EPHA10: variants seen among roughly 807,000 people sequenced by gnomAD.
The protein encoded by EPHA10 is EPH receptor A10.
A neutral mutation model predicts 109.7 loss-of-function variants in EPHA10; 120 were observed. The observed-to-expected ratio is 1.09, with a 90% CI of 0.94 to 1.27. The LOEUF is 1.27. Among genes scored for constraint, EPHA10 ranks in the 50% most tolerant of loss-of-function variants. The pLI is 0.00. For missense variants in EPHA10, 1,396 were observed against 1,411.1 expected (o/e 0.99, Z 0.17); for synonymous variants, 640 against 618.9 (o/e 1.03, Z -0.51).
intron 2 of EPHA10, 108 bp from the exon 3 acceptor site, chr1:37,762,191 G>C: frequency 1.9e-6 from 2 of 1,032,132 alleles, no homozygotes; most frequent in Non-Finnish European, 2.8e-6. Flanking sequence ...GCACACCCCG[G>C]AAATTGTAAG....
intron 8 of EPHA10, among the ~76,000 whole-genome samples, chr1:37,724,821 G>A (rs1051484762): frequency 3.3e-5 from 5 of 152,192 alleles, no homozygotes; most frequent in African/African-American, 7.2e-5. Context: ...ATCTCCGCTC[G>A]GTAGCTGTGG....
At chr1:37,756,074 C>A (rs1646390697) in intron 3 of EPHA10, among the ~76,000 whole-genome samples, 1 of 152,156 alleles carries the variant, frequency 6.6e-6, no homozygotes, top group African/African-American at 2.4e-5. Flanking sequence ...TGGGGAGGGG[C>A]TCGGCAGCCC....
At chr1:37,726,944 G>A (rs919969613) in intron 8 of EPHA10, among the ~76,000 whole-genome samples, 158 bp downstream of exon 8, 9 of 152,250 alleles carry the variant, frequency 5.9e-5, no homozygotes, top group Non-Finnish European at 1.3e-4. Flanking sequence ...GAGCTGGGGG[G>A]AGGGGCCGGG....
chr1:37,739,985 G>A (rs1332368301), intron 5 of EPHA10, among the ~76,000 whole-genome samples: 3 of 151,844 alleles, frequency 2.0e-5, no homozygotes, highest in Non-Finnish European at 2.9e-5. Context: ...TCCCAGACAC[G>A]TGGGAGGCTG....
At chr1:37,731,693 G>T in intron 6 of EPHA10, 111 bp from the exon 7 acceptor site, 1 of 1,252,818 alleles carries the variant, frequency 8.0e-7, no homozygotes. Context: ...GTGAATGTGG[G>T]CTGAGTGCGA....
chr1:37,733,479 AAAGTGCTGGAATCACAGGTGGT>A (rs1646022854), intron 6 of EPHA10, among the ~76,000 whole-genome samples: 2 of 152,076 alleles, frequency 1.3e-5, no homozygotes, highest in African/African-American at 4.8e-5. Context: ...TCAGCTTCCC[AAAGTGCTGGAATCACAGGTGGT>A]AGCCACTGAG....
At chr1:37,732,860 GTTCTTTTTTT>G (rs1557541369) in intron 6 of EPHA10, among the ~76,000 whole-genome samples, 24 of 25,792 alleles carry the variant, frequency 9.3e-4, no homozygotes, top group African/African-American at 3.0e-3. Context: ...TTTTATACTT[GTTCTTTTTTT>G]TTTTTTTTTT....
intron 5 of EPHA10, among the ~76,000 whole-genome samples, chr1:37,750,863 G>A (rs1363260551): frequency 6.6e-6 from 1 of 150,834 alleles, no homozygotes; most frequent in African/African-American, 2.4e-5. Context: ...AACTTTTCCC[G>A]GGAAAAAAAA....
At chr1:37,748,561 T>TG in intron 5 of EPHA10, among the ~76,000 whole-genome samples, 1 of 151,916 alleles carries the variant, frequency 6.6e-6, no homozygotes, top group Non-Finnish European at 1.5e-5. Context: ...AAAGAACACA[T>TG]TACAAAACAC....
intron 7 of EPHA10, 35 bp downstream of exon 7, chr1:37,731,368 TTCTCTCTG>T (rs1645978990): frequency 6.6e-7 from 1 of 1,518,174 alleles, no homozygotes; most frequent in African/African-American, 1.4e-5. Flanking sequence ...CCGTGCAGGG[TTCTCTCTG>T]TCTAGGTCCC....
In EPHA10 at chr1:37,754,386, G is replaced by C. The variant is rs770499676; in HGVS notation, c.851-16C>G. On this transcript the variant is annotated splice_polypyrimidine_tract_variant and intron_variant, in intron 3 of 16. Coordinates refer to ENST00000373048, the MANE Select transcript of EPHA10 (RefSeq NM_001099439.2). This position sits in a 1 kb window ranked among gnomAD's most constrained non-coding sequence, Gnocchi z 4.5. ...GGGGGACAGGCTGCAGGGCATGGCT[G>C]GTGAGAAGAGGGGGCTCCTCCAGTT... 2 of 1,291,070 alleles carry C rather than the reference G, an allele frequency of 1.5e-6. No homozygotes were observed. Among genetic ancestry groups the C allele is most frequent in the South Asian group, 5.6e-5 (2 of 35,930 alleles). The allele number at this position is 1,291,070 out of a possible 1,614,324, so 80.0% of individuals were successfully genotyped here.
intron 5 of EPHA10, among the ~76,000 whole-genome samples, chr1:37,747,637 G>A (rs766758576): frequency 2.6e-5 from 4 of 151,518 alleles, no homozygotes; most frequent in Admixed American, 1.3e-4. Flanking sequence ...GCATGCTGAC[G>A]TGCACCTGTA....
chr1:37,763,210 T>C (rs972326038), intron 1 of EPHA10, among the ~76,000 whole-genome samples: 1 of 152,200 alleles, frequency 6.6e-6, no homozygotes, highest in African/African-American at 2.4e-5. Context: ...GACTGTTTTC[T>C]TTTGGAGGCT....
Position 37,753,152 on chromosome 1 carries a change from G to T in EPHA10, c.1081C>A (p.Pro361Thr). 7.1e-7 allele frequency: 1 copy of T among 1,407,008 alleles called. No individual in the cohort carries two copies. The highest frequency in any genetic ancestry group is 9.3e-7 in the Non-Finnish European group (1 of 1,080,630). The allele number at this position is 1,407,008 out of a possible 1,614,324, so 87.2% of individuals were successfully genotyped here. ...SPLVLRLRWL[P>T]PADSGGRSDV... Reference sequence around the variant, plus strand: ...GAGCGGCCTCCCGAGTCGGCCGGCGGCAGCCAGCGCAGTCGCAGCACCAGC... The same window carrying T: ...GAGCGGCCTCCCGAGTCGGCCGGCGTCAGCCAGCGCAGTCGCAGCACCAGC... Residue 361 changes from proline to threonine, a missense_variant, in exon 5 of 17, where the codon CCG becomes ACG. Coordinates refer to ENST00000373048, the MANE Select transcript of EPHA10 (RefSeq NM_001099439.2).
At position 37,720,638 on chromosome 1, in the gene EPHA10, G is replaced by A. The variant is rs12729055; in HGVS notation, c.2209-84C>T. The A allele has an allele frequency of 0.082, 125,973 of 1,531,380 alleles. 5,796 individuals carry two copies. The highest frequency in any genetic ancestry group is 0.1 in the Middle Eastern group (570 of 5,454). 94.9% of individuals were successfully genotyped at this position (1,531,380 alleles called of 1,614,324 possible). ...ACACCAGGGCGGTCACCTAGCTCTC[G>A]CCAGGCTTTAGTTCACCCTGTGACC... On this transcript the variant is annotated intron_variant, in intron 12 of 16. Transcript: ENST00000373048.
At chr1:37,751,551 G>A (rs1315359594) in intron 5 of EPHA10, among the ~76,000 whole-genome samples, 7 of 132,274 alleles carry the variant, frequency 5.3e-5, no homozygotes, top group Admixed American at 3.4e-4. Context: ...CCTGGGTGAC[G>A]AGCAAAACTC....
At position 37,765,117 on chromosome 1, in the gene EPHA10, T is replaced by C; in HGVS notation, c.-51A>G. 1 of 1,505,414 alleles carries C rather than the reference T, an allele frequency of 6.6e-7. No individual in the cohort carries two copies. Among genetic ancestry groups the C allele is most frequent in the Non-Finnish European group, 9.0e-7 (1 of 1,112,658 alleles). The allele number at this position is 1,505,414 out of a possible 1,614,324, so 93.3% of individuals were successfully genotyped here. ...GGCGGCGGCTCAAGCCGCGCCAGCC[T>C]AGCACCGCTGAGCAATGCCCCCAGA... On this transcript the variant is annotated 5_prime_UTR_variant, in exon 1 of 17. Coordinates refer to ENST00000373048, the MANE Select transcript of EPHA10 (RefSeq NM_001099439.2).
At chr1:37,755,372 G>A (rs180864227) in intron 3 of EPHA10, among the ~76,000 whole-genome samples, 204 of 152,172 alleles carry the variant, frequency 1.3e-3, no homozygotes, top group African/African-American at 4.8e-3. Flanking sequence ...TCATGTGAGT[G>A]AGTGTGTCAT....
At chr1:37,763,813 G>A (rs1457889642) in intron 1 of EPHA10, among the ~76,000 whole-genome samples, 1 of 152,174 alleles carries the variant, frequency 6.6e-6, no homozygotes, top group Non-Finnish European at 1.5e-5. Flanking sequence ...CCGGGCCTCT[G>A]AGAAAACAAT....
Sources: allele counts gnomAD v4.1 joint callset (sites outside exome capture counted in the v4.1 genomes callset), GRCh38; gene constraint gnomAD v4.1.1; non-coding constraint Gnocchi (gnomAD v3.1); transcripts MANE v1.5; gene names NCBI Gene and HGNC (gene_info 2026-07-23, HGNC 2026-07-21).